Variants in RGS12 observed in about 807,000 individuals in gnomAD.
The protein encoded by RGS12 is regulator of G-protein signaling 12.
RGS12 carries 66 observed loss-of-function variants against 120.1 expected under a neutral mutation model. That is an observed-to-expected ratio of 0.55 (90% CI 0.45 to 0.67). RGS12 has a LOEUF of 0.67. Among genes scored for constraint, RGS12 ranks in the 30% least tolerant of loss-of-function variants. The pLI is 0.00. For synonymous variants in RGS12, 827 were observed against 804.7 expected (o/e 1.03, Z -0.47); for missense variants, 1,859 against 1,957.7 (o/e 0.95, Z 0.95).
chr4:3,432,908 A>G (rs777204819), intron 17 of RGS12, among the ~76,000 whole-genome samples: 12 of 152,212 alleles, frequency 7.9e-5, no homozygotes, highest in Non-Finnish European at 1.6e-4. Context: ...GTGGCGACAC[A>G]GGACAACTGC....
In RGS12 at chr4:3,439,243, G is replaced by A. The variant is rs376576201; in HGVS notation, c.4115-212G>A. On this transcript the variant is annotated intron_variant, in intron 17 of 17. Transcript: ENST00000336727. The stretch of plus-strand genomic sequence containing the variant: ...TCCCCCACTTGGTGGCAGGTGTTAT[G>A]TGGAGGGCTCTGGGAACACTGCACC... 1.2e-3 allele frequency among the ~76,000 whole-genome samples: 183 copies of A among 152,254 alleles called. 2 individuals carry two copies. Among genetic ancestry groups the A allele is most frequent in the Middle Eastern group, 0.01 (3 of 294 alleles).
At position 3,374,753 on chromosome 4, in the gene RGS12, T is replaced by C. The variant is rs963860432; in HGVS notation, c.1999-11663T>C. ...CCTGCCCTCGTCCCCATCTCTTGCC[T>C]GGAGCACCACAGAGCCTCCAGCTGC... On this transcript the variant is annotated intron_variant, in intron 3 of 17. Transcript: ENST00000336727. This position sits in a 1 kb window ranked among gnomAD's most constrained non-coding sequence, Gnocchi z 6.3. Among the ~76,000 whole-genome samples the C allele has an allele frequency of 2.6e-5, 4 of 152,048 alleles. No homozygotes were observed. The highest frequency in any genetic ancestry group is 9.7e-5 in the African/African-American group (4 of 41,408).
intron 6 of RGS12, among the ~76,000 whole-genome samples, chr4:3,415,276 G>A (rs1268942979): frequency 1.3e-5 from 2 of 152,102 alleles, no homozygotes; most frequent in South Asian, 2.1e-4. Context: ...GTTGGAAAGT[G>A]GATGATAAAA....
intron 3 of RGS12, among the ~76,000 whole-genome samples, chr4:3,367,687 G>C (rs1716465018): frequency 6.6e-6 from 1 of 152,208 alleles, no homozygotes; most frequent in African/African-American, 2.4e-5. Flanking sequence ...AGTTCTCCCA[G>C]GCGTGTTCTG....
chr4:3,352,111 G>A (rs895121623), intron 3 of RGS12, among the ~76,000 whole-genome samples: 4 of 152,174 alleles, frequency 2.6e-5, no homozygotes, highest in African/African-American at 9.7e-5. Flanking sequence ...TAAACCGGGT[G>A]TGCAGAACCA....
chr4:3,369,551 G>C (rs762302710), intron 3 of RGS12, among the ~76,000 whole-genome samples: 3 of 152,168 alleles, frequency 2.0e-5, no homozygotes, highest in Non-Finnish European at 2.9e-5. Flanking sequence ...AGGACTCCTA[G>C]AGCCCATTAG....
upstream of RGS12, among the ~76,000 whole-genome samples, chr4:3,292,060 G>A (rs1181456439): frequency 1.3e-5 from 2 of 152,244 alleles, no homozygotes; most frequent in Non-Finnish European, 2.9e-5. Flanking sequence ...AACCCGAGAG[G>A]GGCCGAGTCC....
At chr4:3,309,349 TGGCAGGTGTCCG>T (rs1724169794) in intron 1 of RGS12, among the ~76,000 whole-genome samples, 1 of 140,848 alleles carries the variant, frequency 7.1e-6, no homozygotes, top group African/African-American at 3.0e-5. Flanking sequence ...GATCCGGGAA[TGGCAGGTGTCCG>T]CTGAGGGGAA....
intron 1 of RGS12, among the ~76,000 whole-genome samples, chr4:3,295,082 A>C (rs1002333470): frequency 6.6e-6 from 1 of 151,674 alleles, no homozygotes; most frequent in Non-Finnish European, 1.5e-5. Flanking sequence ...GGTCTCGGGG[A>C]AGAAGGGGTG....
Position 3,328,466 on chromosome 4 carries a change from C to T in RGS12, c.1881+10415C>T, listed in dbSNP as rs533376103. On this transcript the variant is annotated intron_variant, in intron 2 of 17. Coordinates refer to ENST00000336727, the MANE Select transcript of RGS12 (RefSeq NM_001394154.1). ...GAGCCAGTTTAGCTCCCTCAACATG[C>T]GATGCCCTGTGCTACCTCAGGACTC... Among the ~76,000 whole-genome samples, 153 of 152,320 alleles carry T rather than the reference C, an allele frequency of 1.0e-3. 1 individual carries two copies. Among genetic ancestry groups the T allele is most frequent in the African/African-American group, 3.5e-3 (147 of 41,574 alleles).
chr4:3,439,540 T>A lies in RGS12; in HGVS notation c.4200T>A (p.Asp1400Glu), dbSNP rs771088152. ...DLVTGSAPGRDGGIAGAQAGP... is the reference protein window; with the variant it reads ...DLVTGSAPGREGGIAGAQAGP... Reference sequence around the variant, plus strand: ...TAACTGGCTCGGCGCCCGGGCGGGATGGTGGCATAGCGGGGGCACAGGCTG... The same window carrying A: ...TAACTGGCTCGGCGCCCGGGCGGGAAGGTGGCATAGCGGGGGCACAGGCTG... Residue 1400 changes from aspartate to glutamate, a missense_variant, in exon 18 of 18, where the codon GAT (aspartate) becomes GAA (glutamate). Physicochemically the swap from Asp to Glu is conservative, Grantham distance 45. Transcript: ENST00000336727. The A allele has an allele frequency of 6.2e-7, 1 of 1,612,550 alleles. No individual in the cohort carries two copies. The highest frequency in any genetic ancestry group is 8.5e-7 in the Non-Finnish European group (1 of 1,179,790).
the RGS12 span, among the ~76,000 whole-genome samples, chr4:3,287,654 C>T: frequency 6.6e-6 from 1 of 152,264 alleles, no homozygotes; most frequent in Admixed American, 6.5e-5. Context: ...CCCTAATTGC[C>T]ATGAGCTCTA....
chr4:3,358,040 T>C (rs1715059233), intron 3 of RGS12, among the ~76,000 whole-genome samples: 1 of 152,222 alleles, frequency 6.6e-6, no homozygotes, highest in South Asian at 2.1e-4. Flanking sequence ...TGTTTTCTAG[T>C]TTTCATTGTA....
In RGS12 at chr4:3,416,957, G is replaced by C; in HGVS notation, c.2472G>C (p.Lys824Asn). The change falls in exon 8 of 18, where the codon AAG becomes AAC. Residue 824 changes from lysine to asparagine, a missense_variant. Physicochemically the swap from Lys to Asn is moderately conservative, Grantham distance 94 (BLOSUM62 0). Around this residue, in one of 3 missense-constraint regions of RGS12, gnomAD observed 375 missense variants for 475.0 expected, o/e 0.79. Coordinates refer to ENST00000336727, the MANE Select transcript of RGS12 (RefSeq NM_001394154.1). ...MKFDSYTRFL[K>N]SPLYQECILA... The stretch of plus-strand genomic sequence containing the variant: ...TTGATAGCTACACTCGCTTTCTGAA[G>C]TCCCCGCTGTACCAGGAATGCATCC... 1 of 1,610,964 alleles carries C rather than the reference G, an allele frequency of 6.2e-7. No individual in the cohort carries two copies. The highest frequency in any genetic ancestry group is 8.5e-7 in the Non-Finnish European group (1 of 1,177,646).
intron 1 of RGS12, among the ~76,000 whole-genome samples, chr4:3,306,342 G>A (rs188962292): frequency 1.3e-5 from 2 of 152,352 alleles, no homozygotes; most frequent in Admixed American, 6.5e-5. Context: ...GTGCGATGAC[G>A]ATGACATGAG....
In RGS12 at chr4:3,389,037, C is replaced by T. The variant is rs1719168721; in HGVS notation, c.2020+2600C>T. 1.3e-5 allele frequency among the ~76,000 whole-genome samples: 2 copies of T among 152,162 alleles called. No individual in the cohort carries two copies. The highest frequency in any genetic ancestry group is 2.1e-4 in the South Asian group (1 of 4,832). On this transcript the variant is annotated intron_variant, in intron 4 of 17. Transcript: ENST00000336727. The surrounding 1 kb of genome is among the most constrained non-coding windows in gnomAD (Gnocchi z 5.2). ...TAGAAATATTTTGTGTTCAACGAGC[C>T]GTGCCAGTGAGAGAGTTCGTGTTCA...
intron 17 of RGS12, among the ~76,000 whole-genome samples, chr4:3,436,899 C>CGGGGAG (rs1210026169): frequency 6.6e-6 from 1 of 151,956 alleles, no homozygotes; most frequent in Non-Finnish European, 1.5e-5. Flanking sequence ...CGTGGGGCGC[C>CGGGGAG]GGGGAGAGGT....
At chr4:3,425,241 G>A (rs968621110) in intron 13 of RGS12, among the ~76,000 whole-genome samples, 2 of 152,150 alleles carry the variant, frequency 1.3e-5, no homozygotes, top group African/African-American at 2.4e-5. Flanking sequence ...GCCACCTCCT[G>A]CGTGATTCCA....
At chr4:3,432,791 C>T (rs1724448385) in intron 17 of RGS12, among the ~76,000 whole-genome samples, 1 of 152,228 alleles carries the variant, frequency 6.6e-6, no homozygotes, top group Non-Finnish European at 1.5e-5. Context: ...TACCCTGGAT[C>T]CTTGGCTCTT....
Sources: gnomAD v4.1 joint callset for allele counts (sites outside exome capture counted in the v4.1 genomes callset) on GRCh38, gnomAD v4.1.1 for gene constraint, gnomAD v4.1.1 regional missense constraint, Gnocchi (gnomAD v3.1) non-coding constraint, MANE v1.5 for transcripts, NCBI Gene and HGNC (gene_info 2026-07-23, HGNC 2026-07-21) for gene names.